The following MAP2K6 variants were observed in gnomAD, a reference collection of about 807,000 sequenced individuals.
MAP2K6 encodes mitogen-activated protein kinase kinase 6, also known as dual specificity mitogen-activated protein kinase kinase 6.
MAP2K6 carries 16 observed loss-of-function variants against 53.7 expected under a neutral mutation model. The ratio of observed to expected loss-of-function variants is 0.30; its 90% CI spans 0.20 to 0.45. MAP2K6 has a LOEUF of 0.45. MAP2K6 is among the 20% of genes least tolerant of loss of function. MAP2K6 has a pLI of 1.00. For synonymous variants in MAP2K6, 132 were observed against 143.1 expected (o/e 0.92, Z 0.55); for missense variants, 204 against 411.9 (o/e 0.50, Z 4.37).
chr17:69,520,435 C>T, intron 6 of MAP2K6, 49 bp downstream of exon 6: 1 of 1,118,178 alleles, frequency 8.9e-7, no homozygotes, highest in Non-Finnish European at 1.3e-6. Context: ...GAAATAAAGT[C>T]CCTATGTGTC....
intron 1 of MAP2K6, among the ~76,000 whole-genome samples, chr17:69,484,494 A>G (rs187204958): frequency 8.2e-4 from 125 of 152,174 alleles, no homozygotes; most frequent in African/African-American, 2.8e-3. Flanking sequence ...AACATGGTGT[A>G]GCTGCTTTGA....
At position 69,544,876 on chromosome 17, in the gene MAP2K6, G is replaced by A. The variant is rs1360864387; in HGVS notation, c.*3123G>A. 6.6e-6 allele frequency: 1 copy of A among 151,990 alleles called. No homozygotes were observed. The highest frequency in any genetic ancestry group is 1.5e-5 in the Non-Finnish European group (1 of 67,986). 9.4% of individuals were successfully genotyped at this position (151,990 alleles called of 1,614,324 possible). On this transcript the variant is annotated 3_prime_UTR_variant, in exon 12 of 12. Transcript: ENST00000590474. ...TTTTGCCACTCCTCTTTCAGAAAAG[G>A]CTTTAGAATCCACTCCCTCCTCTGA... is the stretch of plus-strand genomic sequence containing the variant.
intron 1 of MAP2K6, among the ~76,000 whole-genome samples, chr17:69,477,765 G>A (rs1908203208): frequency 6.6e-6 from 1 of 152,178 alleles, no homozygotes; most frequent in South Asian, 2.1e-4. Flanking sequence ...AACTCGTTAT[G>A]CAACTGGGAG....
At chr17:69,509,541 A>G (rs1338239841) in intron 2 of MAP2K6, among the ~76,000 whole-genome samples, 1 of 152,156 alleles carries the variant, frequency 6.6e-6, no homozygotes, top group South Asian at 2.1e-4. Context: ...AGGGTTTTCT[A>G]TATAAACAGT....
At position 69,542,209 on chromosome 17, in the gene MAP2K6, AT is replaced by A. The variant is rs1476506048; in HGVS notation, c.*457del. On this transcript the variant is annotated 3_prime_UTR_variant, in exon 12 of 12. Transcript: ENST00000590474. ...ACAAGAAGGGAGATTCAAAAAAAAA[AT>A]ATAAGGTTGGGTTAGCAATATTTAT... The A allele has an allele frequency of 2.0e-5, 3 of 152,060 alleles. No individual in the cohort carries two copies. The highest frequency in any genetic ancestry group is 4.9e-5 in the African/African-American group (2 of 41,134). 9.4% of individuals were successfully genotyped at this position (152,060 alleles called of 1,614,324 possible).
chr17:69,451,032 A>G (rs1907206917), intron 1 of MAP2K6, among the ~76,000 whole-genome samples: 1 of 152,166 alleles, frequency 6.6e-6, no homozygotes, highest in Non-Finnish European at 1.5e-5. Context: ...AGGGAAAGGA[A>G]ACATACTCTA....
intron 1 of MAP2K6, among the ~76,000 whole-genome samples, chr17:69,448,765 A>G (rs1019258439): frequency 6.6e-6 from 1 of 152,176 alleles, no homozygotes; most frequent in African/African-American, 2.4e-5. Context: ...GCTTTGCAGC[A>G]TTGCTCAGAG....
At chr17:69,447,031 A>G (rs140262448) in intron 1 of MAP2K6, among the ~76,000 whole-genome samples, 402 of 145,888 alleles carry the variant, frequency 2.8e-3, no homozygotes, top group African/African-American at 9.0e-3. Flanking sequence ...AGGCTGGAGT[A>G]CAATGGCATG....
rs1333926016 is a variant in MAP2K6 at position 69,548,482 on chromosome 17, C to CTCCTT, written c.*6730_*6734dup. ...CACACATCTTGGTTAAAGCTATAGTCTCCTTATTATTCAGAAATATTCTTT... is the reference window on the plus strand; with the variant it reads ...CACACATCTTGGTTAAAGCTATAGTCTCCTTTCCTTATTATTCAGAAATATTCTTT... On this transcript the variant is annotated 3_prime_UTR_variant, in exon 12 of 12. Coordinates refer to ENST00000590474, the MANE Select transcript of MAP2K6 (RefSeq NM_002758.4). 1.3e-5 allele frequency: 2 copies of CTCCTT among 152,082 alleles called. No homozygotes were observed. The highest frequency in any genetic ancestry group is 2.4e-5 in the African/African-American group (1 of 41,400). 9.4% of individuals were successfully genotyped at this position (152,082 alleles called of 1,614,324 possible).
chr17:69,548,599 A>C lies in MAP2K6; in HGVS notation c.*6846A>C, dbSNP rs1418758582. The C allele has an allele frequency of 6.6e-6, 1 of 152,176 alleles. No homozygotes were observed. Among genetic ancestry groups the C allele is most frequent in the Non-Finnish European group, 1.5e-5 (1 of 68,032 alleles). 9.4% of individuals were successfully genotyped at this position (152,176 alleles called of 1,614,324 possible). On this transcript the variant is annotated 3_prime_UTR_variant, in exon 12 of 12. Coordinates refer to ENST00000590474, the MANE Select transcript of MAP2K6 (RefSeq NM_002758.4). ...GCATATTGAAGTATTTGATCCAGCA[A>C]CTTACCTAAAAGAATGTTTGCTCTT...
At chr17:69,435,123 A>G (rs997127557) in intron 1 of MAP2K6, 1 of 152,348 alleles carries the variant, frequency 6.6e-6, no homozygotes, top group African/African-American at 2.4e-5. Flanking sequence ...TTCTAATAGT[A>G]ACCTGAATTT....
chr17:69,484,648 T>A (rs1908461109), intron 1 of MAP2K6, among the ~76,000 whole-genome samples: 1 of 152,068 alleles, frequency 6.6e-6, no homozygotes, highest in African/African-American at 2.4e-5. Context: ...GCAGCATTAT[T>A]TATAATAGCC....
intron 1 of MAP2K6, among the ~76,000 whole-genome samples, chr17:69,472,641 C>T (rs1314451235): frequency 6.6e-6 from 1 of 152,184 alleles, no homozygotes; most frequent in Non-Finnish European, 1.5e-5. Flanking sequence ...CTCTGAGCTA[C>T]TGGGATAAGA....
At chr17:69,512,000 C>T (rs574485251) in intron 2 of MAP2K6, among the ~76,000 whole-genome samples, 22 of 152,194 alleles carry the variant, frequency 1.4e-4, no homozygotes, top group Admixed American at 9.8e-4. Flanking sequence ...AAACAAAACT[C>T]AGGAATAACA....
chr17:69,497,996 T>G (rs536186288), intron 1 of MAP2K6, among the ~76,000 whole-genome samples: 1 of 124,718 alleles, frequency 8.0e-6, no homozygotes, highest in East Asian at 2.7e-4. Context: ...GCTTTCAGGG[T>G]GCAATGCTTG....
chr17:69,422,124 ATT>A (rs35694490), intron 1 of MAP2K6, among the ~76,000 whole-genome samples: 2,314 of 87,258 alleles, frequency 0.027, 31 homozygotes, highest in East Asian at 0.12. Flanking sequence ...AATCATCGTA[ATT>A]TTTTTTTTTT....
intron 1 of MAP2K6, among the ~76,000 whole-genome samples, chr17:69,501,925 T>TTG (rs1423617128): frequency 6.6e-6 from 1 of 151,786 alleles, no homozygotes; most frequent in Non-Finnish European, 1.5e-5. Context: ...CATGTTTTTT[T>TTG]TTTTTTTTTT....
intron 1 of MAP2K6, among the ~76,000 whole-genome samples, chr17:69,496,516 G>A (rs1908959844): frequency 6.6e-6 from 1 of 151,978 alleles, no homozygotes; most frequent in Admixed American, 6.6e-5. Flanking sequence ...TTACAGGCGT[G>A]TGCCCCACGC....
intron 10 of MAP2K6, among the ~76,000 whole-genome samples, chr17:69,535,039 G>A (rs1182913091): frequency 6.6e-6 from 1 of 151,416 alleles, no homozygotes; most frequent in Non-Finnish European, 1.5e-5. Flanking sequence ...CTGAGAATGG[G>A]GTGATGGGTT....
Sources: gnomAD v4.1 joint callset for allele counts (sites outside exome capture counted in the v4.1 genomes callset) on GRCh38, gnomAD v4.1.1 for gene constraint, MANE v1.5 for transcripts, NCBI Gene and HGNC (gene_info 2026-07-23, HGNC 2026-07-21) for gene names.